The following TOMM40 variants were observed in gnomAD, a reference collection of about 807,000 sequenced individuals.
TOMM40 encodes mitochondrial import receptor subunit TOM40 homolog.
In TOMM40, 9 loss-of-function variants were observed where a neutral mutation model predicts 38.4. That is an observed-to-expected ratio of 0.23 (90% CI 0.14 to 0.41). TOMM40 has a LOEUF of 0.41. TOMM40 is among the 10% of genes least tolerant of loss of function. The pLI is 1.00. For synonymous variants in TOMM40, 184 were observed against 210.0 expected, an observed-to-expected ratio of 0.88 and a Z score of 1.07; for missense variants, 299 against 486.5, an observed-to-expected ratio of 0.61 and a Z score of 3.63.
At chr19:44,892,358 T>G (rs1969482129) in intron 1 of TOMM40, 35 bp from the exon 2 acceptor site, 1 of 1,604,526 alleles carries the variant, frequency 6.2e-7, no homozygotes, top group African/African-American at 1.3e-5. Flanking sequence ...TGGTGTGGGG[T>G]TGGAGTGGAG....
chr19:44,892,535 C>T, intron 2 of TOMM40, 75 bp downstream of exon 2: 2 of 1,362,932 alleles, frequency 1.5e-6, no homozygotes, highest in Non-Finnish European at 2.1e-6. Context: ...ACACTCGGCC[C>T]AATTACTCCT....
At chr19:44,899,723 C>T (rs954901664) in intron 5 of TOMM40, among the ~76,000 whole-genome samples, 1 of 149,800 alleles carries the variant, frequency 6.7e-6, no homozygotes, top group Non-Finnish European at 1.5e-5. Context: ...CAACTGCTGA[C>T]CTCAAGCTGT....
intron 1 of TOMM40, 132 bp downstream of exon 1, chr19:44,891,821 C>A (rs1379844672): frequency 3.0e-6 from 3 of 997,700 alleles, no homozygotes; most frequent in African/African-American, 3.4e-5. Context: ...ATGTTGGGAT[C>A]GAATGGTGGA....
chr19:44,897,789 A>AG (rs1969594951), intron 5 of TOMM40, among the ~76,000 whole-genome samples: 1 of 147,956 alleles, frequency 6.8e-6, no homozygotes. Flanking sequence ...AAAAAAAAAA[A>AG]AAGAGAGAGA....
chr19:44,899,632 T>G (rs1969639093), intron 5 of TOMM40, among the ~76,000 whole-genome samples: 1 of 151,634 alleles, frequency 6.6e-6, no homozygotes, highest in Admixed American at 6.6e-5. Context: ...TTTTTTTTTT[T>G]TTTATGATAA....
chr19:44,894,617 G>A (rs528654863), intron 5 of TOMM40, among the ~76,000 whole-genome samples: 1 of 152,156 alleles, frequency 6.6e-6, no homozygotes, highest in African/African-American at 2.4e-5. Flanking sequence ...TTTTAAGATG[G>A]GGTCTTGCTG....
At position 44,892,470 on chromosome 19, in the gene TOMM40, C is replaced by A. The variant is rs761679112; in HGVS notation, c.342+10C>A. ...GAGTAACCATTTTCAGGTGAGCCTT[C>A]CTGGTGTCCTTACCCACCAGAGATC... is the stretch of plus-strand genomic sequence containing the variant. On this transcript the variant is annotated intron_variant, in intron 2 of 8. Transcript: ENST00000426677. 1 of 1,611,920 alleles carries A rather than the reference C, an allele frequency of 6.2e-7. No homozygotes were observed. Among genetic ancestry groups the A allele is most frequent in the African/African-American group, 1.3e-5 (1 of 74,930 alleles).
intron 5 of TOMM40, among the ~76,000 whole-genome samples, chr19:44,895,082 T>C (rs542026564): frequency 6.6e-6 from 1 of 151,904 alleles, no homozygotes; most frequent in East Asian, 1.9e-4. Flanking sequence ...CTTTGTGTCT[T>C]TGTGCAGCCA....
chr19:44,898,088 A>T (rs1018040830), intron 5 of TOMM40, among the ~76,000 whole-genome samples: 1 of 151,814 alleles, frequency 6.6e-6, no homozygotes, highest in African/African-American at 2.4e-5. Flanking sequence ...ACTGGCCATG[A>T]ACTCACGGCC....
At position 44,892,486 on chromosome 19, in the gene TOMM40, A is replaced by G. The variant is rs531230367; in HGVS notation, c.342+26A>G. 3.7e-5 allele frequency: 59 copies of G among 1,608,578 alleles called. No homozygotes were observed. In the South Asian group the frequency reaches 5.5e-4, roughly 15 times the overall value. On this transcript the variant is annotated intron_variant, in intron 2 of 8. Coordinates refer to ENST00000426677, the MANE Select transcript of TOMM40 (RefSeq NM_001128917.2). ...GTGAGCCTTCCTGGTGTCCTTACCC[A>G]CCAGAGATCGTCCCCGCCGTCCCCC...
intron 5 of TOMM40, among the ~76,000 whole-genome samples, chr19:44,895,490 A>G (rs1452703073): frequency 6.6e-6 from 1 of 151,994 alleles, no homozygotes; most frequent in Non-Finnish European, 1.5e-5. Context: ...TGGTGACATC[A>G]CCCCATCTTC....
At chr19:44,897,395 G>T (rs577441441) in intron 5 of TOMM40, among the ~76,000 whole-genome samples, 3 of 152,098 alleles carry the variant, frequency 2.0e-5, no homozygotes, top group Non-Finnish European at 2.9e-5. Flanking sequence ...TGAATGAGGG[G>T]ATAACACTGA....
chr19:44,901,531 T>C (rs1261846675), intron 8 of TOMM40: 1 of 1,214,906 alleles, frequency 8.2e-7, no homozygotes, highest in African/African-American at 1.6e-5. Flanking sequence ...GGTAAGGAGA[T>C]TGAGACCATC....
rs1470470382 is a variant in TOMM40 at position 44,903,485 on chromosome 19, T to C, written c.*316T>C. 23 of 281,208 alleles carry C rather than the reference T, an allele frequency of 8.2e-5. No homozygotes were observed. The South Asian group carries it at 9.7e-4, about 12-fold the overall frequency. The allele number at this position is 281,208 out of a possible 1,614,324, so 17.4% of individuals were successfully genotyped here. On this transcript the variant is annotated 3_prime_UTR_variant, in exon 9 of 9. Coordinates refer to ENST00000426677, the MANE Select transcript of TOMM40 (RefSeq NM_001128917.2). The stretch of plus-strand genomic sequence containing the variant: ...GGCCAGACAACCTCAGGGAGGAGTG[T>C]CCTGGCGTCCCCATCCTCCAAAGGG...
intron 3 of TOMM40, 138 bp from the exon 4 acceptor site, chr19:44,893,642 T>C (rs157584): frequency 0.5 from 328,805 of 652,948 alleles, 87,339 homozygotes; most frequent in African/African-American, 0.82. Flanking sequence ...CTAACTCAGC[T>C]TAGGTGGTCA....
intron 8 of TOMM40, chr19:44,901,604 G>C (rs578086589): frequency 4.6e-6 from 3 of 648,658 alleles, no homozygotes; most frequent in Admixed American, 3.2e-5. Flanking sequence ...GCCGGGTGTG[G>C]TTGCGGGTGC....
In TOMM40 at chr19:44,891,445, G is replaced by T. The variant is rs1969460182; in HGVS notation, c.30G>T (p.Pro10=). ...GGAACGTGTTGGCTGCCAGCTCGCC[G>T]CCCGCAGGGCCGCCACCGCCGCCTG... The part of the protein sequence containing the change: MGNVLAASS[P]PAGPPPPPAP... Residue 10 remains proline (P), a synonymous_variant, in exon 1 of 9, where the codon CCG becomes CCT. Coordinates refer to ENST00000426677, the MANE Select transcript of TOMM40 (RefSeq NM_001128917.2). 2.3e-6 allele frequency: 3 copies of T among 1,292,766 alleles called. No homozygotes were observed. Among genetic ancestry groups the T allele is most frequent in the South Asian group, 2.6e-5 (1 of 38,394 alleles). 80.1% of individuals were successfully genotyped at this position (1,292,766 alleles called of 1,614,324 possible). A position where few individuals can be genotyped will look rare whatever the true frequency, so the allele number is the denominator to read the frequency against.
At chr19:44,902,906 G>T in intron 8 of TOMM40, 124 bp from the exon 9 acceptor site, 2 of 1,243,432 alleles carry the variant, frequency 1.6e-6, no homozygotes, top group Non-Finnish European at 2.2e-6. Flanking sequence ...TTTCAGGGTG[G>T]CAGGAGCAGT....
intron 5 of TOMM40, among the ~76,000 whole-genome samples, chr19:44,896,757 C>T (rs1400500727): frequency 6.6e-6 from 1 of 152,108 alleles, no homozygotes; most frequent in Non-Finnish European, 1.5e-5. Context: ...CCATTCCTGC[C>T]CTCATGGGGG....
Sources: gnomAD v4.1 joint callset for allele counts (sites outside exome capture counted in the v4.1 genomes callset) on GRCh38, gnomAD v4.1.1 for gene constraint, MANE v1.5 for transcripts, NCBI Gene and HGNC (gene_info 2026-07-23, HGNC 2026-07-21) for gene names.